The following ZFYVE9 variants were observed in gnomAD, a reference collection of about 807,000 sequenced individuals.
ZFYVE9 encodes zinc finger FYVE domain-containing protein 9.
ZFYVE9 carries 43 observed loss-of-function variants against 126.7 expected under a neutral mutation model. The ratio of observed to expected loss-of-function variants is 0.34; its 90% CI spans 0.27 to 0.44. The LOEUF is 0.44. Among genes scored for constraint, ZFYVE9 ranks in the 20% least tolerant of loss-of-function variants. The pLI, the probability that ZFYVE9 is intolerant of heterozygous loss-of-function variation, is 1.00. For missense variants in ZFYVE9, 1,476 were observed against 1,697.0 expected (o/e 0.87, Z 2.29); for synonymous variants, 521 against 597.4 (o/e 0.87, Z 1.87).
intron 1 of ZFYVE9, among the ~76,000 whole-genome samples, chr1:52,173,293 C>T (rs1412716333): frequency 6.6e-6 from 1 of 152,130 alleles, no homozygotes; most frequent in Non-Finnish European, 1.5e-5. Context: ...TGTTTATATG[C>T]TGGATTACAT....
chr1:52,334,251 A>G (rs1407088462), intron 14 of ZFYVE9, among the ~76,000 whole-genome samples: 1 of 152,216 alleles, frequency 6.6e-6, no homozygotes, highest in African/African-American at 2.4e-5. Flanking sequence ...TAGACTTTGC[A>G]AGCTGTGGTT....
At chr1:52,208,803 G>A (rs1362509989) in intron 1 of ZFYVE9, among the ~76,000 whole-genome samples, 1 of 152,186 alleles carries the variant, frequency 6.6e-6, no homozygotes, top group Non-Finnish European at 1.5e-5. Context: ...AAATTGTTGG[G>A]ATTACAGGCA....
chr1:52,243,808 C>T (rs10888749), intron 4 of ZFYVE9, among the ~76,000 whole-genome samples: 21,846 of 151,410 alleles, frequency 0.14, 2,244 homozygotes, highest in African/African-American at 0.29. Flanking sequence ...ATAGATGATG[C>T]AGAGCTTTGC....
chr1:52,286,684 A>G (rs1199604600), intron 10 of ZFYVE9, among the ~76,000 whole-genome samples: 1 of 152,184 alleles, frequency 6.6e-6, no homozygotes, highest in African/African-American at 2.4e-5. Context: ...ACTTGTATCT[A>G]CCAGATTGTT....
rs1199895191 is a variant in ZFYVE9 at position 52,284,446 on chromosome 1, G to A, written c.3025+2630G>A. Among the ~76,000 whole-genome samples, 48 of 150,554 alleles carry A rather than the reference G, an allele frequency of 3.2e-4. 2 individuals are homozygous for A. Among genetic ancestry groups the A allele is most frequent in the Non-Finnish European group, 1.2e-4 (8 of 67,750 alleles). ...AAATTTTTTTTTTTTTTGAGATGGAGTCTCGCTCTGTCACCCAGCCTGGAG... is the reference window on the plus strand; with the variant it reads ...AAATTTTTTTTTTTTTTGAGATGGAATCTCGCTCTGTCACCCAGCCTGGAG... On this transcript the variant is annotated intron_variant, in intron 10 of 18. Coordinates refer to ENST00000287727, the MANE Select transcript of ZFYVE9 (RefSeq NM_004799.4).
intron 4 of ZFYVE9, among the ~76,000 whole-genome samples, chr1:52,242,029 A>ATTT (rs1645338681): frequency 3.7e-5 from 5 of 136,074 alleles, no homozygotes; most frequent in African/African-American, 1.2e-4. Context: ...TGTCATGGCA[A>ATTT]TCTTTTTTTT....
intron 13 of ZFYVE9, among the ~76,000 whole-genome samples, chr1:52,332,302 A>G (rs1646349657): frequency 1.3e-5 from 2 of 152,168 alleles, no homozygotes; most frequent in Non-Finnish European, 2.9e-5. Flanking sequence ...AACATAAGTT[A>G]GTAAAATTAA....
chr1:52,157,024 G>A (rs1157473315), intron 1 of ZFYVE9, among the ~76,000 whole-genome samples: 1 of 152,006 alleles, frequency 6.6e-6, no homozygotes, highest in African/African-American at 2.4e-5. Flanking sequence ...AGTAGAGACG[G>A]GGTTTCACCG....
intron 1 of ZFYVE9, among the ~76,000 whole-genome samples, chr1:52,156,358 T>C (rs191514438): frequency 9.8e-5 from 15 of 152,312 alleles, no homozygotes. Flanking sequence ...GGCTAGACTT[T>C]TGAATTACAT....
intron 1 of ZFYVE9, among the ~76,000 whole-genome samples, chr1:52,214,744 C>T (rs1193669452): frequency 6.6e-6 from 1 of 152,120 alleles, no homozygotes; most frequent in African/African-American, 2.4e-5. Flanking sequence ...GTTTCCCAAT[C>T]TGCTGTCTGC....
chr1:52,213,369 G>A (rs926324401), intron 1 of ZFYVE9, among the ~76,000 whole-genome samples: 31 of 152,142 alleles, frequency 2.0e-4, no homozygotes, highest in African/African-American at 7.2e-4. Flanking sequence ...AACAGGATGA[G>A]GCCAGGTGCG....
chr1:52,260,020 G>T (rs1645563601), intron 4 of ZFYVE9, among the ~76,000 whole-genome samples: 1 of 151,940 alleles, frequency 6.6e-6, no homozygotes, highest in African/African-American at 2.4e-5. Flanking sequence ...GATAATTCTT[G>T]TGTAGATCTC....
chr1:52,339,291 CT>C (rs536116273), intron 16 of ZFYVE9, among the ~76,000 whole-genome samples: 333 of 143,380 alleles, frequency 2.3e-3, no homozygotes, highest in Middle Eastern at 3.5e-3. Flanking sequence ...CAAATAATTC[CT>C]TTTTTTTTTT....
chr1:52,256,050 TC>T (rs1289143462), intron 4 of ZFYVE9, among the ~76,000 whole-genome samples: 2 of 148,934 alleles, frequency 1.3e-5, no homozygotes, highest in African/African-American at 5.0e-5. Context: ...TCTTTCTCTC[TC>T]TCTCTCTCTC....
At chr1:52,273,272 G>A (rs1645712812) in intron 7 of ZFYVE9, among the ~76,000 whole-genome samples, 1 of 152,146 alleles carries the variant, frequency 6.6e-6, no homozygotes, top group Non-Finnish European at 1.5e-5. Flanking sequence ...CTCCCAAAGT[G>A]CTGGGATTAC....
At chr1:52,199,449 A>T (rs964770529) in intron 1 of ZFYVE9, among the ~76,000 whole-genome samples, 4 of 152,122 alleles carry the variant, frequency 2.6e-5, no homozygotes, top group Admixed American at 1.3e-4. Context: ...GCCTTTTGAG[A>T]TTGGCTTCTT....
Position 52,302,491 on chromosome 1 carries a change from T to C in ZFYVE9, c.3334-1330T>C, listed in dbSNP as rs575816303. 3.3e-3 allele frequency among the ~76,000 whole-genome samples: 499 copies of C among 152,244 alleles called. 2 individuals carry two copies. Among genetic ancestry groups the C allele is most frequent in the African/African-American group, 0.011 (470 of 41,542 alleles). ...ACAGGCTGGGCGCAGTGGCTCACACTTGTAATCCCAGCATTTTGGGAGGCC... is the reference window on the plus strand; with the variant it reads ...ACAGGCTGGGCGCAGTGGCTCACACCTGTAATCCCAGCATTTTGGGAGGCC... On this transcript the variant is annotated intron_variant, in intron 12 of 18. Transcript: ENST00000287727.
At chr1:52,331,733 C>T (rs1481103265) in intron 13 of ZFYVE9, among the ~76,000 whole-genome samples, 3 of 146,338 alleles carry the variant, frequency 2.1e-5, no homozygotes, top group Non-Finnish European at 3.0e-5. Context: ...GCTTGGGCAA[C>T]AGAGAGAGAC....
chr1:52,165,284 C>T (rs1644502377), intron 1 of ZFYVE9, among the ~76,000 whole-genome samples: 1 of 151,936 alleles, frequency 6.6e-6, no homozygotes, highest in South Asian at 2.1e-4. Flanking sequence ...AGAAAATGTC[C>T]ACCTTCACCA....
Sources: allele counts gnomAD v4.1 joint callset (sites outside exome capture counted in the v4.1 genomes callset), GRCh38; gene constraint gnomAD v4.1.1; transcripts MANE v1.5; gene names NCBI Gene and HGNC (gene_info 2026-07-23, HGNC 2026-07-21).